The following UTS2B variants were observed in gnomAD, a reference collection of about 807,000 sequenced individuals.
The protein encoded by UTS2B is urotensin 2B.
In UTS2B, 21 loss-of-function variants were observed where a neutral mutation model predicts 19.2. The ratio of observed to expected loss-of-function variants is 1.09; its 90% CI spans 0.78 to 1.58. The LOEUF is 1.58. UTS2B is among the 40% of genes most tolerant of loss of function. The pLI, the probability that UTS2B is intolerant of heterozygous loss-of-function variation, is 0.00. For missense variants in UTS2B, 138 were observed against 130.3 expected, an observed-to-expected ratio of 1.06 and a Z score of -0.29; for synonymous variants, 57 against 50.2, an observed-to-expected ratio of 1.14 and a Z score of -0.58.
chr3:191,313,092 TC>T (rs1363065034), intron 3 of UTS2B, among the ~76,000 whole-genome samples: 1 of 151,652 alleles, frequency 6.6e-6, no homozygotes, highest in African/African-American at 2.4e-5. Context: ...CCTCCCTGGT[TC>T]AAGCAATTCT....
chr3:191,282,076 T>TA lies in UTS2B; in HGVS notation c.103+10dup. ...ACCCACCTGTAGGATTTTTAATTGATATGCACGTACCTTGGGTAAGATATG... is the reference window on the plus strand; with the variant it reads ...ACCCACCTGTAGGATTTTTAATTGATAATGCACGTACCTTGGGTAAGATATG... On this transcript the variant is annotated intron_variant, in intron 5 of 8. Coordinates refer to ENST00000340524, the MANE Select transcript of UTS2B (RefSeq NM_198152.5). 1 of 1,570,290 alleles carries TA rather than the reference T, an allele frequency of 6.4e-7. No homozygotes were observed. Among genetic ancestry groups the TA allele is most frequent in the Non-Finnish European group, 8.7e-7 (1 of 1,145,472 alleles).
chr3:191,327,982 T>C (rs1428298192), intron 2 of UTS2B, among the ~76,000 whole-genome samples: 4 of 152,210 alleles, frequency 2.6e-5, no homozygotes, highest in African/African-American at 9.7e-5. Context: ...ATTTTAGACT[T>C]TGAGGCTTAA....
intron 8 of UTS2B, among the ~76,000 whole-genome samples, chr3:191,272,231 C>T (rs1385500627): frequency 6.6e-6 from 1 of 152,138 alleles, no homozygotes; most frequent in Non-Finnish European, 1.5e-5. Flanking sequence ...AGTTTGATAA[C>T]GTGAAGTGAG....
intron 4 of UTS2B, among the ~76,000 whole-genome samples, chr3:191,301,211 A>G (rs1175196396): frequency 6.6e-6 from 1 of 152,186 alleles, no homozygotes; most frequent in Non-Finnish European, 1.5e-5. Flanking sequence ...GAAACTAGAA[A>G]AGAAAATTTG....
chr3:191,269,708 A>C (rs1395229043), intron 8 of UTS2B, among the ~76,000 whole-genome samples: 1 of 152,094 alleles, frequency 6.6e-6, no homozygotes, highest in Non-Finnish European at 1.5e-5. Context: ...AGTTATCATC[A>C]CTGACCTCTC....
chr3:191,307,587 C>T (rs892784429), intron 3 of UTS2B, among the ~76,000 whole-genome samples: 2 of 152,116 alleles, frequency 1.3e-5, no homozygotes, highest in African/African-American at 2.4e-5. Context: ...ATGGGTAGGA[C>T]GTTCAGAGGA....
At chr3:191,338,156 C>T in the UTS2B span, among the ~76,000 whole-genome samples, 19 of 152,170 alleles carry the variant, frequency 1.2e-4, no homozygotes, top group African/African-American at 4.6e-4. Context: ...CCCTCTTCAC[C>T]GCTTCCCCAT....
intron 2 of UTS2B, among the ~76,000 whole-genome samples, chr3:191,325,304 G>C (rs1405148060): frequency 1.3e-5 from 2 of 151,372 alleles, no homozygotes; most frequent in Non-Finnish European, 1.5e-5. Flanking sequence ...TTAAAAATAG[G>C]AAAGACATAT....
At chr3:191,291,063 G>C (rs1048412022) in intron 4 of UTS2B, among the ~76,000 whole-genome samples, 5 of 143,668 alleles carry the variant, frequency 3.5e-5, no homozygotes, top group Non-Finnish European at 6.3e-5. Flanking sequence ...ACGGTGCTTG[G>C]AGTTCTTTTT....
intron 3 of UTS2B, among the ~76,000 whole-genome samples, chr3:191,311,138 C>T (rs546962297): frequency 2.0e-5 from 3 of 152,350 alleles, no homozygotes; most frequent in East Asian, 3.9e-4. Flanking sequence ...AACACCTGTC[C>T]TCTATAAATG....
intron 3 of UTS2B, among the ~76,000 whole-genome samples, chr3:191,309,703 T>C (rs901399257): frequency 6.6e-6 from 1 of 152,088 alleles, no homozygotes; most frequent in Non-Finnish European, 1.5e-5. Flanking sequence ...TAATAGCGCG[T>C]GAGTCAGTTA....
chr3:191,285,315 C>T (rs888423220), intron 4 of UTS2B, among the ~76,000 whole-genome samples: 1 of 151,880 alleles, frequency 6.6e-6, no homozygotes, highest in African/African-American at 2.4e-5. Flanking sequence ...TCACGGTAAG[C>T]ACAAAGCAAA....
intron 3 of UTS2B, among the ~76,000 whole-genome samples, chr3:191,310,943 G>T (rs1275077706): frequency 6.6e-6 from 1 of 152,218 alleles, no homozygotes; most frequent in African/African-American, 2.4e-5. Context: ...TACAGTTTCA[G>T]AAGCTGCAAC....
chr3:191,279,838 T>TA (rs1005732643), intron 5 of UTS2B, among the ~76,000 whole-genome samples: 4 of 151,736 alleles, frequency 2.6e-5, no homozygotes, highest in Admixed American at 2.0e-4. Context: ...AGATATTGGC[T>TA]AAAAAAAAGC....
the UTS2B span, among the ~76,000 whole-genome samples, chr3:191,345,687 C>T: frequency 3.3e-5 from 5 of 152,244 alleles, no homozygotes; most frequent in South Asian, 1.0e-3. Flanking sequence ...ACTTGCCAAA[C>T]AAGTGGTTTA....
At chr3:191,309,733 G>A (rs1427299558) in intron 3 of UTS2B, among the ~76,000 whole-genome samples, 1 of 151,972 alleles carries the variant, frequency 6.6e-6, no homozygotes, top group East Asian at 1.9e-4. Context: ...CTGGTAATAC[G>A]AAAGCATGTA....
chr3:191,329,256 A>T (rs991002644), intron 1 of UTS2B: 13 of 179,844 alleles, frequency 7.2e-5, no homozygotes, highest in Non-Finnish European at 1.3e-4. Context: ...AGGAGACAAC[A>T]GCGAGGCGGC....
chr3:191,339,150 C>T, the UTS2B span, among the ~76,000 whole-genome samples: 3 of 152,088 alleles, frequency 2.0e-5, no homozygotes, highest in Admixed American at 2.0e-4. Context: ...ATACAGATTG[C>T]AAACTTGTCA....
At chr3:191,268,691 G>C (rs1035821544) in intron 8 of UTS2B, among the ~76,000 whole-genome samples, 4 of 152,174 alleles carry the variant, frequency 2.6e-5, no homozygotes, top group African/African-American at 7.2e-5. Flanking sequence ...ACAATGGACA[G>C]TACAAACTAG....
Sources: gnomAD v4.1 joint callset for allele counts (sites outside exome capture counted in the v4.1 genomes callset) on GRCh38, gnomAD v4.1.1 for gene constraint, MANE v1.5 for transcripts, NCBI Gene and HGNC (gene_info 2026-07-23, HGNC 2026-07-21) for gene names.